The following TMEM132B variants were observed in gnomAD, a reference collection of about 807,000 sequenced individuals.
The protein encoded by TMEM132B is transmembrane protein 132B.
Under a neutral mutation model 90.8 loss-of-function variants are expected in TMEM132B, and 18 were observed. That is an observed-to-expected ratio of 0.20 (90% CI 0.14 to 0.29). TMEM132B has a LOEUF of 0.29. Ranked by LOEUF, TMEM132B falls within the 10% of genes least tolerant of loss-of-function variation. The probability of loss-of-function intolerance (pLI) is 1.00; values close to 1 mark genes in which losing one functional copy is unlikely to be tolerated. For missense variants in TMEM132B, 1,096 were observed against 1,326.8 expected (o/e 0.83, Z 2.70); for synonymous variants, 504 against 523.3 (o/e 0.96, Z 0.50).
intron 4 of TMEM132B, among the ~76,000 whole-genome samples, chr12:125,568,754 C>T (rs1203843983): frequency 1.3e-5 from 2 of 152,156 alleles, no homozygotes; most frequent in South Asian, 2.1e-4. Flanking sequence ...CCTAAAGAAG[C>T]GGGTGTGTAG....
chr12:125,285,148 A>G (rs1055503947), intron 1 of TMEM132B, among the ~76,000 whole-genome samples: 4 of 152,222 alleles, frequency 2.6e-5, no homozygotes, highest in African/African-American at 9.6e-5. Context: ...TCATGTGACA[A>G]TCTCTGACCC....
At chr12:125,388,034 A>G (rs763239352) in intron 2 of TMEM132B, among the ~76,000 whole-genome samples, 14 of 152,174 alleles carry the variant, frequency 9.2e-5, no homozygotes, top group Non-Finnish European at 1.9e-4. Flanking sequence ...TGTGGCACAG[A>G]TGATAATTAT....
chr12:125,442,693 A>AC (rs1490519759), intron 3 of TMEM132B, among the ~76,000 whole-genome samples: 2 of 152,096 alleles, frequency 1.3e-5, no homozygotes, highest in Non-Finnish European at 2.9e-5. Context: ...CAGATAAGGG[A>AC]CTCTACTGCC....
intron 5 of TMEM132B, among the ~76,000 whole-genome samples, chr12:125,630,526 CT>C (rs917332533): frequency 6.6e-6 from 1 of 151,924 alleles, no homozygotes; most frequent in Non-Finnish European, 1.5e-5. Flanking sequence ...GATCTTATCT[CT>C]TTTTTTCTTA....
intron 1 of TMEM132B, among the ~76,000 whole-genome samples, chr12:125,256,472 A>G (rs1437401662): frequency 6.6e-6 from 1 of 152,202 alleles, no homozygotes; most frequent in African/African-American, 2.4e-5. Context: ...TCCGGTCCCC[A>G]GCCTGTTTGT....
At chr12:125,225,929 A>T (rs1873672600) in intron 1 of TMEM132B, among the ~76,000 whole-genome samples, 1 of 152,142 alleles carries the variant, frequency 6.6e-6, no homozygotes. Flanking sequence ...TCACCATCCT[A>T]GGGGAGCAAG....
chr12:125,563,598 C>CA (rs77003788), intron 4 of TMEM132B, among the ~76,000 whole-genome samples: 5,229 of 150,078 alleles, frequency 0.035, 141 homozygotes, highest in East Asian at 0.1. Flanking sequence ...AACAAACAAA[C>CA]AAAAAAAAAC....
chr12:125,348,112 CTTTA>C (rs139192167), intron 1 of TMEM132B, among the ~76,000 whole-genome samples: 15,484 of 151,888 alleles, frequency 0.1, 947 homozygotes, highest in East Asian at 0.22. Context: ...TTTTTTTACA[CTTTA>C]TTTGTTTTTT....
chr12:125,287,021 T>C (rs1324731993), intron 1 of TMEM132B, among the ~76,000 whole-genome samples: 2 of 151,680 alleles, frequency 1.3e-5, no homozygotes, highest in African/African-American at 2.4e-5. Context: ...TCTTTTTTTT[T>C]TTTTTTCAGC....
At chr12:125,465,401 G>A (rs1391049322) in intron 3 of TMEM132B, among the ~76,000 whole-genome samples, 1 of 152,176 alleles carries the variant, frequency 6.6e-6, no homozygotes, top group Non-Finnish European at 1.5e-5. Flanking sequence ...AATAATTAAT[G>A]CCTTCATCAG....
intron 5 of TMEM132B, among the ~76,000 whole-genome samples, chr12:125,631,636 A>G (rs369493409): frequency 1.3e-5 from 2 of 152,050 alleles, no homozygotes; most frequent in South Asian, 4.1e-4. Context: ...TTTAGTTCTA[A>G]TAGTATTTGC....
intron 3 of TMEM132B, among the ~76,000 whole-genome samples, chr12:125,463,758 T>G (rs1236967182): frequency 6.6e-6 from 1 of 152,190 alleles, no homozygotes; most frequent in Non-Finnish European, 1.5e-5. Context: ...TCTGTTAATA[T>G]TCATCCCTAT....
chr12:125,326,012 C>A (rs1365182345), intron 1 of TMEM132B, among the ~76,000 whole-genome samples: 1 of 152,198 alleles, frequency 6.6e-6, no homozygotes, highest in African/African-American at 2.4e-5. Flanking sequence ...CAGCTCTGAG[C>A]TCCCCATGTA....
At chr12:125,383,234 A>G (rs1878735333) in intron 2 of TMEM132B, among the ~76,000 whole-genome samples, 1 of 152,210 alleles carries the variant, frequency 6.6e-6, no homozygotes, top group African/African-American at 2.4e-5. Flanking sequence ...GAAGTCAGTG[A>G]CAGCCCCAGT....
chr12:125,341,113 G>C (rs1877165693), intron 1 of TMEM132B, among the ~76,000 whole-genome samples: 1 of 152,216 alleles, frequency 6.6e-6, no homozygotes, highest in African/African-American at 2.4e-5. Context: ...TTACAATGTA[G>C]ATTTTGCTTG....
chr12:125,511,645 G>T (rs948278342), intron 3 of TMEM132B, among the ~76,000 whole-genome samples: 2 of 151,966 alleles, frequency 1.3e-5, no homozygotes, highest in Admixed American at 1.3e-4. Flanking sequence ...GAGGTTAGGA[G>T]ATCGAGAGCA....
intron 3 of TMEM132B, among the ~76,000 whole-genome samples, chr12:125,508,098 C>T (rs558499175): frequency 6.6e-6 from 1 of 152,296 alleles, no homozygotes; most frequent in African/African-American, 2.4e-5. Flanking sequence ...AGATTTTGAC[C>T]AGAGTAACTG....
chr12:125,617,776 C>T (rs958440546), intron 5 of TMEM132B, among the ~76,000 whole-genome samples: 1 of 152,034 alleles, frequency 6.6e-6, no homozygotes, highest in African/African-American at 2.4e-5. Context: ...ATAAGTTGTT[C>T]CACAGTCTGA....
intron 3 of TMEM132B, among the ~76,000 whole-genome samples, chr12:125,512,022 G>C (rs766386147): frequency 2.6e-5 from 4 of 152,112 alleles, no homozygotes; most frequent in Non-Finnish European, 4.4e-5. Flanking sequence ...CCGCCCTATG[G>C]ACAAGGGTAA....
Sources: gnomAD v4.1 joint callset for allele counts (sites outside exome capture counted in the v4.1 genomes callset) on GRCh38, gnomAD v4.1.1 for gene constraint, MANE v1.5 for transcripts, NCBI Gene and HGNC (gene_info 2026-07-23, HGNC 2026-07-21) for gene names.